Variants in ADAMTSL1 observed in about 807,000 individuals in gnomAD.
ADAMTSL1 encodes the protein ADAMTS like 1.
Under a neutral mutation model 201.8 loss-of-function variants are expected in ADAMTSL1, and 126 were observed. The ratio of observed to expected loss-of-function variants is 0.62; its 90% CI spans 0.54 to 0.72. The LOEUF is 0.72. Ranked by LOEUF, ADAMTSL1 falls within the 30% of genes least tolerant of loss-of-function variation. The pLI, the probability that ADAMTSL1 is intolerant of heterozygous loss-of-function variation, is 0.00. For synonymous variants in ADAMTSL1, 1,121 were observed against 903.4 expected (o/e 1.24, Z -4.32); for missense variants, 2,679 against 2,277.8 (o/e 1.18, Z -3.59).
rs1311818681 is a variant in ADAMTSL1, at chr9:18,770,764, C to T, written c.2380C>T (p.Leu794Phe). 5 of 1,613,702 alleles carry T rather than the reference C, an allele frequency of 3.1e-6. No homozygotes were observed. The highest frequency in any genetic ancestry group is 4.2e-6 in the Non-Finnish European group (5 of 1,179,846). ...KKDDCPSEWL[L>F]SDWTECSTSC... is the part of the protein sequence containing the mutation. ...AGATGACTGTCCCAGCGAGTGGCTT[C>T]TCTCAGACTGGACAGAGGTATGTAT... The change falls in exon 17 of 29, where the codon CTC (leucine) becomes TTC (phenylalanine). Residue 794 changes from leucine to phenylalanine, a missense_variant. Physicochemically the swap from Leu to Phe is conservative, Grantham distance 22 (BLOSUM62 0). Transcript: ENST00000380548.
chr9:18,574,515 T>A (rs1822577651), intron 4 of ADAMTSL1: 2 of 584,512 alleles, frequency 3.4e-6, no homozygotes, highest in Non-Finnish European at 6.0e-6. Context: ...AATAAAAATT[T>A]TTGAATAGTG....
At chr9:18,330,123 C>T (rs1476491220) in intron 2 of ADAMTSL1, among the ~76,000 whole-genome samples, 1 of 152,082 alleles carries the variant, frequency 6.6e-6, no homozygotes, top group Non-Finnish European at 1.5e-5. Flanking sequence ...AATAAAATGT[C>T]CTTATTTAAT....
At chr9:18,434,151 A>C (rs891104221) in intron 2 of ADAMTSL1, among the ~76,000 whole-genome samples, 1 of 152,200 alleles carries the variant, frequency 6.6e-6, no homozygotes, top group African/African-American at 2.4e-5. Flanking sequence ...CCCTACGTTT[A>C]GTTCTATCAA....
At chr9:18,887,175 G>C (rs911238889) in intron 23 of ADAMTSL1, among the ~76,000 whole-genome samples, 4 of 152,152 alleles carry the variant, frequency 2.6e-5, no homozygotes, top group African/African-American at 9.7e-5. Context: ...TTATCTTACC[G>C]ATTCTATGCT....
intron 1 of ADAMTSL1, among the ~76,000 whole-genome samples, chr9:18,021,615 G>A (rs1586906733): frequency 6.6e-6 from 1 of 152,102 alleles, no homozygotes; most frequent in East Asian, 1.9e-4. Flanking sequence ...TTATTAGTAA[G>A]GTCTAATAAA....
At chr9:18,168,613 T>G (rs534687211) in intron 2 of ADAMTSL1, among the ~76,000 whole-genome samples, 2 of 151,364 alleles carry the variant, frequency 1.3e-5, no homozygotes, top group African/African-American at 2.4e-5. Context: ...TATAGCAGCA[T>G]GATTTATAAT....
At chr9:18,239,333 T>G (rs1322119654) in intron 2 of ADAMTSL1, among the ~76,000 whole-genome samples, 2 of 152,220 alleles carry the variant, frequency 1.3e-5, no homozygotes, top group African/African-American at 2.4e-5. Flanking sequence ...GTCAGTCCTC[T>G]CAAACCCTGC....
At chr9:18,203,759 A>C (rs1485834398) in intron 2 of ADAMTSL1, among the ~76,000 whole-genome samples, 2 of 152,112 alleles carry the variant, frequency 1.3e-5, no homozygotes, top group Non-Finnish European at 2.9e-5. Context: ...AAATGAAGGT[A>C]TGTAAGCCAC....
At chr9:17,963,623 A>T (rs1015725904) in intron 1 of ADAMTSL1, among the ~76,000 whole-genome samples, 2 of 152,146 alleles carry the variant, frequency 1.3e-5, no homozygotes, top group African/African-American at 4.8e-5. Context: ...TCAATTCTGG[A>T]AGCCTGAGTT....
chr9:17,919,255 C>G (rs1303891100), intron 1 of ADAMTSL1, among the ~76,000 whole-genome samples: 2 of 151,284 alleles, frequency 1.3e-5, no homozygotes, highest in Admixed American at 6.6e-5. Flanking sequence ...TAGTACACTT[C>G]CTTTTTGTAA....
chr9:18,835,331 C>T (rs1825247190), intron 23 of ADAMTSL1, among the ~76,000 whole-genome samples: 1 of 151,950 alleles, frequency 6.6e-6, no homozygotes. Flanking sequence ...TTACTTATAT[C>T]AAATTTTCAG....
intron 16 of ADAMTSL1, among the ~76,000 whole-genome samples, chr9:18,763,950 T>A (rs1820219598): frequency 6.6e-6 from 1 of 152,190 alleles, no homozygotes; most frequent in Admixed American, 6.5e-5. Flanking sequence ...TTTTGTTTTG[T>A]TTTGCTTAGG....
At chr9:18,521,304 G>C (rs1037531170) in intron 2 of ADAMTSL1, among the ~76,000 whole-genome samples, 1 of 152,062 alleles carries the variant, frequency 6.6e-6, no homozygotes, top group Admixed American at 6.6e-5. Flanking sequence ...TACTAAAAGA[G>C]TGTAATTAAC....
Position 18,889,807 on chromosome 9 carries a change from G to C in ADAMTSL1, c.4643+59G>C, listed in dbSNP as rs1588317289. On this transcript the variant is annotated intron_variant, in intron 25 of 28. Coordinates refer to ENST00000380548, the MANE Select transcript of ADAMTSL1 (RefSeq NM_001040272.6). The stretch of plus-strand genomic sequence containing the variant: ...ACCCTAGGAGGAGCCCTCCCTGTTA[G>C]CGAAGTCAGTGGCCAGCCCTTCAGT... The C allele has an allele frequency of 5.0e-6, 7 of 1,397,656 alleles. No homozygotes were observed. The East Asian group carries it at 1.7e-4, about 33-fold the overall frequency. 86.6% of individuals were successfully genotyped at this position (1,397,656 alleles called of 1,614,324 possible). A position where few individuals can be genotyped will look rare whatever the true frequency, so the allele number is the denominator to read the frequency against.
intron 1 of ADAMTSL1, among the ~76,000 whole-genome samples, chr9:18,487,361 T>C (rs1325484600): frequency 1.3e-5 from 2 of 152,186 alleles, no homozygotes; most frequent in African/African-American, 4.8e-5. Flanking sequence ...AAATTGATTA[T>C]AGCTTGGCCT....
chr9:18,816,825 A>G (rs1446153890), intron 20 of ADAMTSL1, among the ~76,000 whole-genome samples: 1 of 145,238 alleles, frequency 6.9e-6, no homozygotes, highest in Non-Finnish European at 1.5e-5. Context: ...TTCATGGAGT[A>G]CATAGTGATG....
chr9:18,511,976 T>C (rs537267705), intron 2 of ADAMTSL1, among the ~76,000 whole-genome samples: 1 of 152,354 alleles, frequency 6.6e-6, no homozygotes, highest in South Asian at 2.1e-4. Context: ...TTATTCTTCA[T>C]CTGGTGTTAT....
At chr9:18,873,575 T>C (rs1159779491) in intron 23 of ADAMTSL1, among the ~76,000 whole-genome samples, 6 of 152,178 alleles carry the variant, frequency 3.9e-5, no homozygotes. Flanking sequence ...CCACTTTATG[T>C]TTTTGTTTGC....
intron 2 of ADAMTSL1, among the ~76,000 whole-genome samples, chr9:18,378,255 G>A (rs980977360): frequency 4.6e-5 from 7 of 152,104 alleles, no homozygotes; most frequent in South Asian, 2.1e-4. Flanking sequence ...GAGGACTAAC[G>A]GAAATAGTGT....
Sources: gnomAD v4.1 joint callset for allele counts (sites outside exome capture counted in the v4.1 genomes callset) on GRCh38, gnomAD v4.1.1 for gene constraint, MANE v1.5 for transcripts, NCBI Gene and HGNC (gene_info 2026-07-23, HGNC 2026-07-21) for gene names.